Variants in TBC1D24 observed in about 807,000 individuals in gnomAD.
TBC1D24 encodes Infantile myoclonic epilepsy.
TBC1D24 carries 47 observed loss-of-function variants against 50.7 expected under a neutral mutation model. That is an observed-to-expected ratio of 0.93 (90% CI 0.73 to 1.18). The LOEUF is 1.18. TBC1D24 is among the 50% of genes most tolerant of loss of function. The pLI is 0.00. For synonymous variants in TBC1D24, 324 were observed against 335.2 expected (o/e 0.97, Z 0.36); for missense variants, 688 against 766.5 (o/e 0.90, Z 1.21).
rs1272998413 is a variant in TBC1D24, at chr16:2,488,904, CA to C, written c.-115-7114del. Reference sequence around the variant, plus strand: ...TGAAACCCCGTCTCTACTAAAAATACAAAAAAAAAAAAAAAATTAGCTGAGC... The same window carrying C: ...TGAAACCCCGTCTCTACTAAAAATACAAAAAAAAAAAAAAATTAGCTGAGC... On this transcript the variant is annotated intron_variant, in intron 1 of 7. Transcript: ENST00000646147. Among the ~76,000 whole-genome samples the C allele has an allele frequency of 8.9e-3, 870 of 97,636 alleles. 4 individuals are homozygous for C. The highest frequency in any genetic ancestry group is 0.022 in the African/African-American group (623 of 28,182). The allele number at this position is 97,636 out of a possible 152,430, so 64.1% of individuals were successfully genotyped here.
In TBC1D24 at chr16:2,499,507, C is replaced by T. The variant is rs2065772541; in HGVS notation, c.1206+87C>T. 1 of 1,263,904 alleles carries T rather than the reference C, an allele frequency of 7.9e-7. No homozygotes were observed. Among genetic ancestry groups the T allele is most frequent in the Admixed American group, 1.9e-5 (1 of 52,354 alleles). The allele number at this position is 1,263,904 out of a possible 1,614,324, so 78.3% of individuals were successfully genotyped here. On this transcript the variant is annotated intron_variant, in intron 5 of 7. Transcript: ENST00000646147. The surrounding 1 kb of genome is among the most constrained non-coding windows in gnomAD (Gnocchi z 4.0). The stretch of plus-strand genomic sequence containing the variant: ...CTCCAGGGCTGGCTCTGATGGGCTT[C>T]AGGGCCTAGGCCTCCTGGGCCAGAT...
rs749814291 is a variant in TBC1D24, at chr16:2,496,364, C to G, written c.216C>G (p.Ser72Arg). The G allele has an allele frequency of 1.2e-6, 2 of 1,613,448 alleles. No individual in the cohort carries two copies. The highest frequency in any genetic ancestry group is 1.7e-6 in the Non-Finnish European group (2 of 1,180,024). ...IPCRTVTPDA[S>R]VYSDIVGKIV... ...GCCGCACGGTCACGCCTGACGCCAG[C>G]GTGTACAGCGACATCGTGGGCAAGA... The change falls in exon 2 of 8, where the codon AGC becomes AGG. Residue 72 changes from serine to arginine, a missense_variant. Physicochemically the swap from Ser to Arg is moderately radical, Grantham distance 110. Transcript: ENST00000646147.
intron 1 of TBC1D24, among the ~76,000 whole-genome samples, chr16:2,492,072 T>C (rs1483892565): frequency 1.3e-5 from 2 of 149,892 alleles, no homozygotes; most frequent in Non-Finnish European, 3.0e-5. Flanking sequence ...ACTCCTGGGC[T>C]GAAGTGATCC....
At position 2,497,092 on chromosome 16, in the gene TBC1D24, G is replaced by T; in HGVS notation, c.944G>T (p.Gly315Val). ...AATGAGAAAGCCCTGAAGCAGAAGG[G>T]CATCACCGTGAAGCAGAAGAGGTAG... ...MANEKALKQK[G>V]ITVKQKSVSL... Residue 315 changes from glycine to valine, a missense_variant, in exon 2 of 8, where the codon GGC becomes GTC. Physicochemically the swap from Gly to Val is moderately radical, Grantham distance 109 (BLOSUM62 -3). Transcript: ENST00000646147. The T allele has an allele frequency of 6.2e-7, 1 of 1,605,948 alleles. No individual in the cohort carries two copies. Among genetic ancestry groups the T allele is most frequent in the Non-Finnish European group, 8.5e-7 (1 of 1,179,996 alleles).
In TBC1D24 at chr16:2,487,113, G is replaced by A. The variant is rs997845785; in HGVS notation, c.-115-8921G>A. Among the ~76,000 whole-genome samples, 1 of 152,216 alleles carries A rather than the reference G, an allele frequency of 6.6e-6. No individual in the cohort carries two copies. Among genetic ancestry groups the A allele is most frequent in the African/African-American group, 2.4e-5 (1 of 41,456 alleles). ...CCAGCCCCTCAGCACTGCCAGGGCC[G>A]CCCAGCTCGCCTTCGCCCACTCTTG... On this transcript the variant is annotated intron_variant, in intron 1 of 7. Transcript: ENST00000646147. The surrounding 1 kb of genome is among the most constrained non-coding windows in gnomAD (Gnocchi z 4.1).
chr16:2,475,582 C>A lies in TBC1D24; in HGVS notation c.-116+412C>A, dbSNP rs2141848356. Among the ~76,000 whole-genome samples the A allele has an allele frequency of 6.6e-6, 1 of 152,232 alleles. No homozygotes were observed. Among genetic ancestry groups the A allele is most frequent in the Middle Eastern group, 3.4e-3 (1 of 292 alleles). On this transcript the variant is annotated intron_variant, in intron 1 of 7. Coordinates refer to ENST00000646147, the MANE Select transcript of TBC1D24 (RefSeq NM_001199107.2). This position sits in a 1 kb window ranked among gnomAD's most constrained non-coding sequence, Gnocchi z 4.2. ...GCAACAGATTCTGATACGCCCTGCC[C>A]TGTGGACCTGCAGCGGCCCCGGGCC...
At chr16:2,490,904 G>A (rs1318126041) in intron 1 of TBC1D24, among the ~76,000 whole-genome samples, 2 of 152,228 alleles carry the variant, frequency 1.3e-5, no homozygotes, top group Non-Finnish European at 2.9e-5. Context: ...GAACAGAGGA[G>A]GCCTTGTTTG....
rs1310971230 is a variant in TBC1D24, at chr16:2,503,713, GC to G, written c.*2758del. 1 of 151,866 alleles carries G rather than the reference GC, an allele frequency of 6.6e-6. No homozygotes were observed. The highest frequency in any genetic ancestry group is 6.6e-5 in the Admixed American group (1 of 15,250). 9.4% of individuals were successfully genotyped at this position (151,866 alleles called of 1,614,324 possible). A position where few individuals can be genotyped will look rare whatever the true frequency, so the allele number is the denominator to read the frequency against. On this transcript the variant is annotated 3_prime_UTR_variant, in exon 8 of 8. Coordinates refer to ENST00000646147, the MANE Select transcript of TBC1D24 (RefSeq NM_001199107.2). ...TGGGATTACAGGCATACGCCACCAC[GC>G]CCAGCTAAATTTTTTTTGTATTTTT...
At chr16:2,495,996 G>A (rs2065733458) in intron 1 of TBC1D24, 38 bp from the exon 2 acceptor site, 1 of 966,222 alleles carries the variant, frequency 1.0e-6, no homozygotes. Context: ...TGTGAACCTT[G>A]AAACACAGAT....
chr16:2,497,641 C>A, intron 2 of TBC1D24, 69 bp from the exon 3 acceptor site: 1 of 1,474,030 alleles, frequency 6.8e-7, no homozygotes, highest in Non-Finnish European at 9.2e-7. Flanking sequence ...GGGATCGGTA[C>A]TCACACTAAC....
Position 2,476,088 on chromosome 16 carries a change from C to G in TBC1D24, c.-116+918C>G, listed in dbSNP as rs534953918. 4.6e-5 allele frequency among the ~76,000 whole-genome samples: 7 copies of G among 152,290 alleles called. No homozygotes were observed. The East Asian group carries it at 1.2e-3, about 25-fold the overall frequency. On this transcript the variant is annotated intron_variant, in intron 1 of 7. Coordinates refer to ENST00000646147, the MANE Select transcript of TBC1D24 (RefSeq NM_001199107.2). ...GGGCGTCAGCCTGCCCTTCCAGTGC[C>G]GATAGAAGCACTAGCGGGTGATTTT...
In TBC1D24 at chr16:2,496,527, G is replaced by A. The variant is rs750962753; in HGVS notation, c.379G>A (p.Asp127Asn). The A allele has an allele frequency of 1.2e-5, 19 of 1,608,712 alleles. No individual in the cohort carries two copies. In the East Asian group the frequency reaches 2.2e-4, roughly 19 times the overall value. ...ILLCLANQFPDISFCPALPAV... is the reference protein window; with the variant it reads ...ILLCLANQFPNISFCPALPAV... ...CCTGTGCCTGGCCAACCAGTTCCCC[G>A]ACATCTCCTTCTGCCCCGCCCTGCC... The change falls in exon 2 of 8, where the codon GAC becomes AAC. Residue 127 changes from aspartate (D) to asparagine (N), a missense_variant. Physicochemically the swap from Asp to Asn is conservative, Grantham distance 23 (BLOSUM62 1). Transcript: ENST00000646147.
At chr16:2,498,504 T>A in intron 4 of TBC1D24, 108 bp downstream of exon 4, 1 of 1,066,374 alleles carries the variant, frequency 9.4e-7, no homozygotes, top group Non-Finnish European at 1.3e-6. Flanking sequence ...AGGCCCTGCT[T>A]CTTCCTGTGG....
chr16:2,492,219 G>A (rs1267629570), intron 1 of TBC1D24, among the ~76,000 whole-genome samples: 4 of 152,080 alleles, frequency 2.6e-5, no homozygotes, highest in Non-Finnish European at 5.9e-5. Context: ...CTCTTTTTGA[G>A]TGAGGGTTTG....
At chr16:2,498,116 G>A in intron 3 of TBC1D24, 122 bp from the exon 4 acceptor site, 1 of 1,339,616 alleles carries the variant, frequency 7.5e-7, no homozygotes, top group Non-Finnish European at 1.0e-6. Flanking sequence ...ACCGGGGCCG[G>A]GGCAAGCAGG....
At chr16:2,488,785 G>A (rs2065671611) in intron 1 of TBC1D24, among the ~76,000 whole-genome samples, 1 of 148,506 alleles carries the variant, frequency 6.7e-6, no homozygotes, top group South Asian at 2.1e-4. Flanking sequence ...ATTTGGCCGG[G>A]CGCGGTGGCT....
chr16:2,488,493 CTTTTTTTT>C (rs34983305), intron 1 of TBC1D24, among the ~76,000 whole-genome samples: 1 of 100,722 alleles, frequency 9.9e-6, no homozygotes, highest in African/African-American at 4.2e-5. Flanking sequence ...TCGCACATAG[CTTTTTTTT>C]TTTTTTTTTT....
intron 1 of TBC1D24, chr16:2,493,831 C>T (rs1338852596): frequency 6.6e-6 from 1 of 152,284 alleles, no homozygotes; most frequent in African/African-American, 2.4e-5. Context: ...TTATGTTTGC[C>T]TGAGCCCAGG....
At chr16:2,489,292 C>T (rs2065677298) in intron 1 of TBC1D24, among the ~76,000 whole-genome samples, 1 of 151,338 alleles carries the variant, frequency 6.6e-6, no homozygotes, top group Admixed American at 6.6e-5. Flanking sequence ...ATTAGCCGGG[C>T]GTGGTGGTGG....
Sources: allele counts gnomAD v4.1 joint callset (sites outside exome capture counted in the v4.1 genomes callset), GRCh38; gene constraint gnomAD v4.1.1; non-coding constraint Gnocchi (gnomAD v3.1); transcripts MANE v1.5; gene names NCBI Gene and HGNC (gene_info 2026-07-23, HGNC 2026-07-21).